Variants in GALNT16 observed in about 807,000 individuals in gnomAD.
GALNT16 encodes the protein UDP-GalNAc:polypeptide N-acetylgalactosaminyltransferase-like protein 1.
In GALNT16, 40 loss-of-function variants were observed where a neutral mutation model predicts 76.1. The ratio of observed to expected loss-of-function variants is 0.53; its 90% CI spans 0.41 to 0.68. GALNT16 has a LOEUF of 0.68. Ranked by LOEUF, GALNT16 falls within the 30% of genes least tolerant of loss-of-function variation. The pLI is 0.00. For synonymous variants in GALNT16, 276 were observed against 285.2 expected, an observed-to-expected ratio of 0.97 and a Z score of 0.32; for missense variants, 621 against 731.9, an observed-to-expected ratio of 0.85 and a Z score of 1.75.
the GALNT16 span, among the ~76,000 whole-genome samples, chr14:69,369,800 C>A: frequency 6.6e-6 from 1 of 152,294 alleles, no homozygotes; most frequent in East Asian, 1.9e-4. Flanking sequence ...ATGAGTCTTC[C>A]GACTCCCTGA....
intron 4 of GALNT16, 60 bp downstream of exon 4, chr14:69,325,464 A>G (rs1026702782): frequency 2.0e-6 from 2 of 1,002,954 alleles, no homozygotes; most frequent in South Asian, 1.3e-5. Flanking sequence ...GTTTCCCCAG[A>G]ACACCAAGGC....
intron 1 of GALNT16, among the ~76,000 whole-genome samples, chr14:69,282,333 C>T (rs994460052): frequency 2.0e-5 from 3 of 152,190 alleles, no homozygotes; most frequent in Non-Finnish European, 2.9e-5. Flanking sequence ...TGTGCTCCTT[C>T]CACACTGACC....
chr14:69,270,383 T>C (rs1013129836), intron 1 of GALNT16, among the ~76,000 whole-genome samples: 3 of 152,172 alleles, frequency 2.0e-5, no homozygotes, highest in Non-Finnish European at 4.4e-5. Context: ...TGACACAGTG[T>C]CGTGTGTCTC....
rs148042384 is a variant in GALNT16, at chr14:69,329,548, G to T, written c.690+977G>T. Among the ~76,000 whole-genome samples, 466 of 152,266 alleles carry T rather than the reference G, an allele frequency of 3.1e-3. 2 individuals carry two copies. Among genetic ancestry groups the T allele is most frequent in the African/African-American group, 0.011 (444 of 41,550 alleles). ...AAAAGATGGACAATAACAAGTGCTGGCAAGGACATGGAGAAATAGGAGCTG... is the reference window on the plus strand; with the variant it reads ...AAAAGATGGACAATAACAAGTGCTGTCAAGGACATGGAGAAATAGGAGCTG... On this transcript the variant is annotated intron_variant, in intron 6 of 14. Coordinates refer to ENST00000448469, the MANE Select transcript of GALNT16 (RefSeq NM_001168368.2).
intron 1 of GALNT16, among the ~76,000 whole-genome samples, chr14:69,289,532 C>G (rs1337621672): frequency 2.6e-5 from 4 of 152,112 alleles, no homozygotes; most frequent in African/African-American, 9.6e-5. Flanking sequence ...TGTGGTTGCC[C>G]TTTGGTGGGA....
chr14:69,336,376 G>T (rs149391810), intron 9 of GALNT16, among the ~76,000 whole-genome samples: 5,814 of 152,048 alleles, frequency 0.038, 134 homozygotes, highest in South Asian at 0.054. Context: ...CCTCCCAAAG[G>T]GCTGGGGTTG....
At chr14:69,347,208 T>C (rs952290350) in intron 13 of GALNT16, 27 bp downstream of exon 13, 1 of 1,577,826 alleles carries the variant, frequency 6.3e-7, no homozygotes. Context: ...GGAATGGGAG[T>C]GGGAGAGAGC....
At chr14:69,278,209 A>C (rs568815500) in intron 1 of GALNT16, among the ~76,000 whole-genome samples, 5 of 152,100 alleles carry the variant, frequency 3.3e-5, no homozygotes, top group East Asian at 1.9e-4. Flanking sequence ...GGGTCTCACT[A>C]TGTTACCCAG....
intron 14 of GALNT16, chr14:69,351,046 C>G (rs2045630562): frequency 6.6e-6 from 1 of 152,348 alleles, no homozygotes; most frequent in Non-Finnish European, 1.5e-5. Flanking sequence ...AAGGCACTGA[C>G]CAGGAGCCCC....
chr14:69,283,131 T>G (rs772484247), intron 1 of GALNT16, among the ~76,000 whole-genome samples: 9 of 152,222 alleles, frequency 5.9e-5, no homozygotes, highest in Non-Finnish European at 1.0e-4. Flanking sequence ...GAGCAAGTGA[T>G]CTCACCTTTC....
chr14:69,366,233 T>C, the GALNT16 span, among the ~76,000 whole-genome samples: 1 of 152,182 alleles, frequency 6.6e-6, no homozygotes, highest in Non-Finnish European at 1.5e-5. Context: ...CCATGGGGGT[T>C]TCCCATGTAG....
chr14:69,311,413 G>T (rs2045018551), intron 1 of GALNT16, among the ~76,000 whole-genome samples: 1 of 152,160 alleles, frequency 6.6e-6, no homozygotes, highest in Non-Finnish European at 1.5e-5. Context: ...CCACAATGGG[G>T]ATTAAGTTTC....
intron 1 of GALNT16, among the ~76,000 whole-genome samples, chr14:69,301,535 G>C (rs2044852211): frequency 6.6e-6 from 1 of 152,038 alleles, no homozygotes; most frequent in Admixed American, 6.5e-5. Context: ...TGTATTTTCA[G>C]TAGAGACAGG....
rs75897986 is a variant in GALNT16, at chr14:69,352,466, C to T, written c.*298C>T. On this transcript the variant is annotated 3_prime_UTR_variant, in exon 15 of 15. Transcript: ENST00000448469. ...CCTGGCCCTTTGTCCTCTCCCTTGG[C>T]GCTTCTTGGGGCTGGGACAATAGTG... The T allele has an allele frequency of 3.4e-4, 108 of 321,438 alleles. No homozygotes were observed. Among genetic ancestry groups the T allele is most frequent in the African/African-American group, 9.8e-4 (46 of 47,086 alleles). 19.9% of individuals were successfully genotyped at this position (321,438 alleles called of 1,614,324 possible).
At chr14:69,301,890 T>C (rs1312476498) in intron 1 of GALNT16, among the ~76,000 whole-genome samples, 1 of 152,148 alleles carries the variant, frequency 6.6e-6, no homozygotes, top group Admixed American at 6.5e-5. Context: ...CTCGGGAGGC[T>C]GAGGCAGGAG....
the GALNT16 span, among the ~76,000 whole-genome samples, chr14:69,377,699 T>C: frequency 6.9e-6 from 1 of 144,196 alleles, no homozygotes; most frequent in Non-Finnish European, 1.5e-5. Flanking sequence ...TAATCCCAGC[T>C]ACACAGGAGG....
In GALNT16 at chr14:69,333,285, C is replaced by T. The variant is rs1335105674; in HGVS notation, c.863+116C>T. The T allele has an allele frequency of 1.3e-6, 1 of 743,490 alleles. No homozygotes were observed. Among genetic ancestry groups the T allele is most frequent in the Non-Finnish European group, 2.3e-6 (1 of 440,986 alleles). The allele number at this position is 743,490 out of a possible 1,614,324, so 46.1% of individuals were successfully genotyped here. A position where few individuals can be genotyped will look rare whatever the true frequency, so the allele number is the denominator to read the frequency against. ...TCCTGAGGCGCACTAAGTGCTGACT[C>T]TGTTCTGGGCCTTCGGACCCTGTAT... On this transcript the variant is annotated intron_variant, in intron 8 of 14. Coordinates refer to ENST00000448469, the MANE Select transcript of GALNT16 (RefSeq NM_001168368.2). The surrounding 1 kb of genome is among the most constrained non-coding windows in gnomAD (Gnocchi z 4.2).
At chr14:69,356,028 T>A (rs1451157112), downstream of GALNT16, 1 of 152,286 alleles carries the variant, frequency 6.6e-6, no homozygotes, top group Non-Finnish European at 1.5e-5. Context: ...CGTCTGTAAT[T>A]TCATTGCCAA....
At chr14:69,338,823 G>A in intron 10 of GALNT16, 46 bp downstream of exon 10, 2 of 1,503,830 alleles carry the variant, frequency 1.3e-6, no homozygotes, top group Non-Finnish European at 1.8e-6. Flanking sequence ...AGGACACCAA[G>A]GCCCAAGCCC....
Sources: allele counts gnomAD v4.1 joint callset (sites outside exome capture counted in the v4.1 genomes callset), GRCh38; gene constraint gnomAD v4.1.1; non-coding constraint Gnocchi (gnomAD v3.1); transcripts MANE v1.5; gene names NCBI Gene and HGNC (gene_info 2026-07-23, HGNC 2026-07-21).